Variants in CDH13 observed in about 807,000 individuals in gnomAD.
CDH13 encodes the protein cadherin 13.
CDH13 carries 24 observed loss-of-function variants against 63.8 expected under a neutral mutation model. The ratio of observed to expected loss-of-function variants is 0.38; its 90% CI spans 0.27 to 0.53. CDH13 has a LOEUF of 0.53. CDH13 is among the 20% of genes least tolerant of loss of function. The pLI, the probability that CDH13 is intolerant of heterozygous loss-of-function variation, is 0.85. For synonymous variants in CDH13, 503 were observed against 355.3 expected, an observed-to-expected ratio of 1.42 and a Z score of -4.67; for missense variants, 1,049 against 903.1, an observed-to-expected ratio of 1.16 and a Z score of -2.07.
chr16:82,658,013 G>A (rs914557826), intron 1 of CDH13, among the ~76,000 whole-genome samples: 2 of 152,222 alleles, frequency 1.3e-5, no homozygotes, highest in Non-Finnish European at 2.9e-5. Context: ...AGGAAAGCTA[G>A]TTTCCTACCA....
intron 1 of CDH13, among the ~76,000 whole-genome samples, chr16:82,791,907 A>G (rs935655325): frequency 6.6e-6 from 1 of 152,202 alleles, no homozygotes; most frequent in Non-Finnish European, 1.5e-5. Flanking sequence ...TCAGAGAACA[A>G]AAGGCTTGCT....
chr16:83,509,583 A>T (rs1229143110), intron 7 of CDH13, among the ~76,000 whole-genome samples: 1 of 152,196 alleles, frequency 6.6e-6, no homozygotes, highest in Non-Finnish European at 1.5e-5. Flanking sequence ...CCTCTGATTT[A>T]AAGAGTGGGA....
intron 6 of CDH13, among the ~76,000 whole-genome samples, chr16:83,431,695 G>A (rs1190025987): frequency 6.6e-6 from 1 of 152,032 alleles, no homozygotes; most frequent in Non-Finnish European, 1.5e-5. Flanking sequence ...AGAGCAAGAG[G>A]GGAAGTGCCA....
intron 11 of CDH13, among the ~76,000 whole-genome samples, chr16:83,774,395 CAG>C (rs1481913859): frequency 6.6e-6 from 1 of 151,284 alleles, no homozygotes; most frequent in African/African-American, 2.4e-5. Flanking sequence ...TTCTTTGAGA[CAG>C]AGTCTTGCTC....
At chr16:83,529,051 G>A (rs930492780) in intron 7 of CDH13, among the ~76,000 whole-genome samples, 10 of 151,284 alleles carry the variant, frequency 6.6e-5, no homozygotes, top group Non-Finnish European at 1.5e-4. Context: ...AGAAGATGGA[G>A]GTCATTCCAC....
intron 7 of CDH13, among the ~76,000 whole-genome samples, chr16:83,563,347 A>G (rs1030533433): frequency 1.3e-5 from 2 of 152,208 alleles, no homozygotes; most frequent in African/African-American, 4.8e-5. Context: ...GAGATGGACA[A>G]CTGCATTTAT....
rs180879537 is a variant in CDH13 at position 83,737,284 on chromosome 16, C to A, written c.1539-10824C>A. On this transcript the variant is annotated intron_variant, in intron 10 of 13. Transcript: ENST00000567109. ...AAGTTCCTTGATATCTACATCACAA[C>A]TGAGTAGTTTATCTCAGTGGTAAGT... 2.7e-4 allele frequency among the ~76,000 whole-genome samples: 41 copies of A among 152,322 alleles called. 1 individual carries two copies. Among genetic ancestry groups the A allele is most frequent in the Admixed American group, 4.6e-4 (7 of 15,304 alleles).
intron 5 of CDH13, among the ~76,000 whole-genome samples, chr16:83,269,542 A>G (rs1862830): frequency 0.43 from 65,409 of 151,964 alleles, 14,404 homozygotes; most frequent in East Asian, 0.62. Flanking sequence ...ACAGAGTGCC[A>G]TGGGAACTCA....
intron 1 of CDH13, among the ~76,000 whole-genome samples, chr16:82,641,842 G>C (rs1909438246): frequency 6.6e-6 from 1 of 152,154 alleles, no homozygotes; most frequent in Non-Finnish European, 1.5e-5. Context: ...GGCTGGGAGA[G>C]AGACAATAAA....
At chr16:83,667,849 A>G (rs1351029418) in intron 8 of CDH13, among the ~76,000 whole-genome samples, 1 of 151,814 alleles carries the variant, frequency 6.6e-6, no homozygotes, top group East Asian at 1.9e-4. Flanking sequence ...TTTTAGAGAG[A>G]TGGGAATCTC....
At chr16:82,734,750 G>C (rs1597435556) in intron 1 of CDH13, among the ~76,000 whole-genome samples, 1 of 152,202 alleles carries the variant, frequency 6.6e-6, no homozygotes, top group East Asian at 1.9e-4. Context: ...GCCCAAGACA[G>C]ACAGGCCTTT....
chr16:83,351,114 C>G (rs1365715718), intron 6 of CDH13, among the ~76,000 whole-genome samples: 1 of 152,110 alleles, frequency 6.6e-6, no homozygotes, highest in Non-Finnish European at 1.5e-5. Context: ...AGTCCCTTTT[C>G]TGGTTACTTT....
intron 3 of CDH13, among the ~76,000 whole-genome samples, chr16:83,040,764 C>G (rs1472000016): frequency 1.3e-5 from 2 of 152,160 alleles, no homozygotes; most frequent in Admixed American, 1.3e-4. Context: ...TCAATATTAG[C>G]CATCACAGCA....
chr16:83,556,305 G>A (rs1322041529), intron 7 of CDH13, among the ~76,000 whole-genome samples: 1 of 152,180 alleles, frequency 6.6e-6, no homozygotes, highest in African/African-American at 2.4e-5. Context: ...AATGGTAAGG[G>A]AGATTCTGCA....
chr16:83,276,182 C>G, intron 5 of CDH13, among the ~76,000 whole-genome samples: 1 of 152,122 alleles, frequency 6.6e-6, no homozygotes, highest in African/African-American at 2.4e-5. Context: ...CAATCCATCC[C>G]AATCACTCCA....
intron 5 of CDH13, among the ~76,000 whole-genome samples, chr16:83,239,467 G>A (rs1289331591): frequency 6.6e-6 from 1 of 152,324 alleles, no homozygotes; most frequent in East Asian, 1.9e-4. Flanking sequence ...CATGACACCA[G>A]GAGGGTCTTA....
chr16:82,807,929 G>A (rs915347451), intron 1 of CDH13, among the ~76,000 whole-genome samples: 47 of 152,210 alleles, frequency 3.1e-4, no homozygotes, highest in African/African-American at 1.0e-3. Context: ...TCCTTAAAAC[G>A]ATCAAAGGGA....
intron 2 of CDH13, among the ~76,000 whole-genome samples, chr16:82,915,418 C>G (rs1032982641): frequency 6.6e-6 from 1 of 152,100 alleles, no homozygotes; most frequent in Non-Finnish European, 1.5e-5. Flanking sequence ...TAAACTGTAA[C>G]GAAGGTATCT....
At chr16:83,534,335 G>T (rs1334553375) in intron 7 of CDH13, among the ~76,000 whole-genome samples, 1 of 152,136 alleles carries the variant, frequency 6.6e-6, no homozygotes, top group Non-Finnish European at 1.5e-5. Context: ...TCTTGGCTAG[G>T]TTCTTTGACC....
Sources: gnomAD v4.1 joint callset for allele counts (sites outside exome capture counted in the v4.1 genomes callset) on GRCh38, gnomAD v4.1.1 for gene constraint, MANE v1.5 for transcripts, NCBI Gene and HGNC (gene_info 2026-07-23, HGNC 2026-07-21) for gene names.